Variants in ANK3 observed in about 807,000 individuals in gnomAD.
ANK3 encodes the protein ankyrin 3.
A neutral mutation model predicts 370.9 loss-of-function variants in ANK3; 57 were observed. That is an observed-to-expected ratio of 0.15 (90% CI 0.12 to 0.19). The LOEUF (loss-of-function observed/expected upper bound fraction) is 0.19, where lower values mean the gene tolerates loss of function less well. Among genes scored for constraint, ANK3 ranks in the 10% least tolerant of loss-of-function variants. The pLI is 1.00. For synonymous variants in ANK3, 1,929 were observed against 1,946.3 expected (o/e 0.99, Z 0.23); for missense variants, 4,439 against 5,302.1 (o/e 0.84, Z 5.06).
At chr10:60,664,705 A>G (rs2078975599) in intron 1 of ANK3, among the ~76,000 whole-genome samples, 1 of 152,232 alleles carries the variant, frequency 6.6e-6, no homozygotes, top group Non-Finnish European at 1.5e-5. Context: ...AATGACCTCC[A>G]TTAAATAAGG....
chr10:60,165,018 C>T (rs961258383), intron 23 of ANK3, among the ~76,000 whole-genome samples: 10 of 152,252 alleles, frequency 6.6e-5, no homozygotes, highest in Non-Finnish European at 1.0e-4. Context: ...ATTCAAATTT[C>T]GAGATTCAAA....
At chr10:60,064,606 T>C (rs1047384973) in intron 38 of ANK3, among the ~76,000 whole-genome samples, 5 of 152,000 alleles carry the variant, frequency 3.3e-5, no homozygotes, top group South Asian at 2.1e-4. Flanking sequence ...GGCAGGTGGA[T>C]TGCTTGCACC....
intron 25 of ANK3, among the ~76,000 whole-genome samples, chr10:60,116,269 A>C (rs1448596350): frequency 6.6e-6 from 1 of 152,144 alleles, no homozygotes; most frequent in Non-Finnish European, 1.5e-5. Flanking sequence ...GTTCTAGGCA[A>C]AAAATGGGAA....
chr10:60,110,956 C>A (rs983205163), intron 26 of ANK3, among the ~76,000 whole-genome samples: 28 of 152,130 alleles, frequency 1.8e-4, no homozygotes, highest in African/African-American at 6.8e-4. Context: ...GAGAGTAATT[C>A]TGATTGGGTC....
At chr10:60,167,174 A>G (rs2095645967) in intron 21 of ANK3, among the ~76,000 whole-genome samples, 1 of 152,182 alleles carries the variant, frequency 6.6e-6, no homozygotes, top group Admixed American at 6.5e-5. Flanking sequence ...GGAAAAGAGA[A>G]GATTCTGCCC....
chr10:60,279,673 A>G (rs773480884), intron 1 of ANK3, 34 bp from the exon 2 acceptor site: 2 of 1,528,390 alleles, frequency 1.3e-6, no homozygotes, highest in Non-Finnish European at 1.8e-6. Flanking sequence ...TTGATGAAAA[A>G]TGAAGCTAAT....
chr10:60,469,915 T>C (rs1031627684), intron 2 of ANK3, among the ~76,000 whole-genome samples: 7 of 151,784 alleles, frequency 4.6e-5, no homozygotes, highest in Admixed American at 4.0e-4. Context: ...TGTGGTCTCA[T>C]GGACATCAAG....
chr10:60,715,006 T>C (rs1373459017), intron 1 of ANK3, among the ~76,000 whole-genome samples: 3 of 152,176 alleles, frequency 2.0e-5, no homozygotes, highest in Non-Finnish European at 4.4e-5. Flanking sequence ...CATATATGAA[T>C]ATTCTTCATC....
intron 28 of ANK3, among the ~76,000 whole-genome samples, chr10:60,093,198 A>G (rs915095593): frequency 6.6e-5 from 10 of 152,216 alleles, no homozygotes; most frequent in Non-Finnish European, 8.8e-5. Context: ...GATTTGGCTT[A>G]AGAGAGTGAA....
At chr10:60,466,794 A>G (rs1453732331) in intron 2 of ANK3, among the ~76,000 whole-genome samples, 1 of 152,210 alleles carries the variant, frequency 6.6e-6, no homozygotes. Flanking sequence ...ATGCTAAGTG[A>G]AGGAAGCCAG....
chr10:60,226,657 ATAAAT>A (rs1360260201), intron 8 of ANK3, among the ~76,000 whole-genome samples: 1 of 36,720 alleles, frequency 2.7e-5, no homozygotes, highest in Non-Finnish European at 8.1e-5. Context: ...ATATATCATA[ATAAAT>A]TATAGTATAA....
At chr10:60,720,913 C>G (rs74157812) in intron 1 of ANK3, among the ~76,000 whole-genome samples, 2,716 of 152,242 alleles carry the variant, frequency 0.018, 74 homozygotes, top group African/African-American at 0.062. Context: ...AAGCCCAGAC[C>G]TTTTGAAGGT....
intron 2 of ANK3, among the ~76,000 whole-genome samples, chr10:60,400,564 GGTTT>G (rs2063332896): frequency 6.6e-6 from 1 of 151,880 alleles, no homozygotes; most frequent in Admixed American, 6.6e-5. Flanking sequence ...ATCATTCCAA[GGTTT>G]TTTTTTTACA....
chr10:60,697,090 G>T (rs2079468548), intron 1 of ANK3, among the ~76,000 whole-genome samples: 1 of 151,376 alleles, frequency 6.6e-6, no homozygotes. Context: ...AAAATCACAA[G>T]CATTCTTATA....
At chr10:60,652,992 T>C (rs569491280) in intron 1 of ANK3, among the ~76,000 whole-genome samples, 6 of 152,272 alleles carry the variant, frequency 3.9e-5, no homozygotes, top group African/African-American at 1.2e-4. Flanking sequence ...TATTTTCATT[T>C]GTGAAGTATC....
At position 60,071,767 on chromosome 10, in the gene ANK3, G is replaced by A. The variant is rs752477716; in HGVS notation, c.9114C>T (p.Leu3038=). Residue 3038 remains leucine, a synonymous_variant, in exon 37 of 44, where the codon CTC becomes CTT. Transcript: ENST00000280772. ...HQSYVGLCPP[L]EETETSPTKS... is the part of the protein sequence containing the mutation. The stretch of plus-strand genomic sequence containing the variant: ...TGGTGGGGGAGGTTTCGGTTTCCTC[G>A]AGAGGTGGGCATAAACCTACATAAC... 35 of 1,599,928 alleles carry A rather than the reference G, an allele frequency of 2.2e-5. No homozygotes were observed. The highest frequency in any genetic ancestry group is 1.7e-4 in the Middle Eastern group (1 of 5,974).
intron 1 of ANK3, among the ~76,000 whole-genome samples, chr10:60,333,370 A>C (rs1183399176): frequency 1.3e-5 from 2 of 150,718 alleles, no homozygotes; most frequent in African/African-American, 4.9e-5. Flanking sequence ...TCATAATTCA[A>C]CTCCCACTTA....
At chr10:60,324,421 A>C (rs2132906504) in intron 1 of ANK3, among the ~76,000 whole-genome samples, 2 of 152,222 alleles carry the variant, frequency 1.3e-5, no homozygotes, top group South Asian at 2.1e-4. Context: ...CTCTGATTAC[A>C]ATATTGCTCA....
At chr10:60,085,354 C>T in intron 30 of ANK3, 101 bp from the exon 31 acceptor site, 1 of 786,872 alleles carries the variant, frequency 1.3e-6, no homozygotes, top group Non-Finnish European at 2.1e-6. Context: ...CACAAACTGG[C>T]AAAACTTCAA....
Sources: gnomAD v4.1 joint callset for allele counts (sites outside exome capture counted in the v4.1 genomes callset) on GRCh38, gnomAD v4.1.1 for gene constraint, MANE v1.5 for transcripts, NCBI Gene and HGNC (gene_info 2026-07-23, HGNC 2026-07-21) for gene names.